Variants in CLIC5 observed in about 807,000 individuals in gnomAD.
CLIC5 encodes chloride intracellular channel protein 5.
A neutral mutation model predicts 24.7 loss-of-function variants in CLIC5; 20 were observed. That is an observed-to-expected ratio of 0.81 (90% CI 0.57 to 1.18). The LOEUF (loss-of-function observed/expected upper bound fraction) is 1.18. CLIC5 is among the 50% of genes most tolerant of loss of function. CLIC5 has a pLI of 0.00. For missense variants in CLIC5, 341 were observed against 326.1 expected (o/e 1.05, Z -0.35); for synonymous variants, 159 against 135.6 (o/e 1.17, Z -1.20).
intron 1 of CLIC5, among the ~76,000 whole-genome samples, chr6:46,026,959 A>T (rs988878772): frequency 6.6e-6 from 1 of 152,202 alleles, no homozygotes; most frequent in African/African-American, 2.4e-5. Context: ...TAGTAATCTC[A>T]TTTGTGATTC....
the CLIC5 span, among the ~76,000 whole-genome samples, chr6:46,119,751 T>C: frequency 6.6e-6 from 1 of 152,218 alleles, no homozygotes; most frequent in Admixed American, 6.5e-5. Context: ...TGCACTTTTC[T>C]AATGGTCTTA....
intron 1 of CLIC5, among the ~76,000 whole-genome samples, chr6:46,015,278 C>A (rs775736693): frequency 4.2e-4 from 64 of 152,184 alleles, no homozygotes; most frequent in Non-Finnish European, 7.6e-4. Context: ...TCCGAGAAGA[C>A]GGCCACCTGC....
chr6:45,906,800 G>A (rs1021059191), intron 5 of CLIC5, among the ~76,000 whole-genome samples: 7 of 152,240 alleles, frequency 4.6e-5, no homozygotes, highest in East Asian at 1.9e-4. Context: ...GACCTCAGTC[G>A]ATCCGCCTGC....
chr6:46,071,257 A>G (rs1562036185), intron 1 of CLIC5, among the ~76,000 whole-genome samples: 1 of 152,218 alleles, frequency 6.6e-6, no homozygotes, highest in Non-Finnish European at 1.5e-5. Context: ...GCTTCTGAAC[A>G]GCAAAAGAAA....
chr6:46,015,153 C>A (rs918957395), intron 1 of CLIC5, among the ~76,000 whole-genome samples: 1 of 152,228 alleles, frequency 6.6e-6, no homozygotes, highest in Non-Finnish European at 1.5e-5. Context: ...CATCCCGACA[C>A]CTGGAGACGT....
Position 45,999,738 on chromosome 6 carries a change from T to TTTTTG in CLIC5, c.63+15741_63+15742insCAAAA, listed in dbSNP as rs1561994399. ...CTATTTTCTCTTCCTTGTGGTTTTT[T>TTTTTG]TTTTTTTTTTTTTTTTTTGAGACGG... On this transcript the variant is annotated intron_variant, in intron 1 of 5. Transcript: ENST00000339561. 3.5e-5 allele frequency among the ~76,000 whole-genome samples: 2 copies of TTTTTG among 57,422 alleles called. 1 individual carries two copies. Among genetic ancestry groups the TTTTTG allele is most frequent in the Non-Finnish European group, 6.7e-5 (2 of 29,944 alleles). 37.7% of individuals were successfully genotyped at this position (57,422 alleles called of 152,430 possible). A position where few individuals can be genotyped will look rare whatever the true frequency, so the allele number is the denominator to read the frequency against.
intron 1 of CLIC5, among the ~76,000 whole-genome samples, chr6:46,039,260 A>G (rs1409943740): frequency 3.9e-5 from 6 of 152,158 alleles, no homozygotes; most frequent in Non-Finnish European, 8.8e-5. Context: ...ATTGGTATTT[A>G]CCTTCTGGAT....
chr6:46,058,375 C>T (rs1768319391), intron 1 of CLIC5, among the ~76,000 whole-genome samples: 1 of 152,194 alleles, frequency 6.6e-6, no homozygotes, highest in South Asian at 2.1e-4. Context: ...ATACCACATT[C>T]TATAAATAGA....
intron 1 of CLIC5, among the ~76,000 whole-genome samples, chr6:46,047,340 TG>T (rs1335586811): frequency 6.6e-6 from 1 of 152,204 alleles, no homozygotes; most frequent in Non-Finnish European, 1.5e-5. Context: ...TGATGCCCAT[TG>T]TGCTGACTTC....
At chr6:46,034,122 C>T (rs768276688) in intron 1 of CLIC5, among the ~76,000 whole-genome samples, 3 of 152,182 alleles carry the variant, frequency 2.0e-5, no homozygotes, top group African/African-American at 2.4e-5. Context: ...TCAAATTTGC[C>T]GTGGGGAGAC....
chr6:45,898,058 AT>A (rs909458533), downstream of CLIC5, among the ~76,000 whole-genome samples: 6 of 149,974 alleles, frequency 4.0e-5, no homozygotes, highest in South Asian at 6.4e-4. Context: ...TTTGCTTTTG[AT>A]TTTTTTGTTT....
chr6:46,080,887 C>A (rs1762905895), upstream of CLIC5, among the ~76,000 whole-genome samples: 1 of 152,208 alleles, frequency 6.6e-6, no homozygotes, highest in South Asian at 2.1e-4. Flanking sequence ...CCTATAGACA[C>A]ATCAGTATAG....
At chr6:46,066,290 C>T (rs943479249) in intron 1 of CLIC5, among the ~76,000 whole-genome samples, 1 of 152,118 alleles carries the variant, frequency 6.6e-6, no homozygotes, top group Non-Finnish European at 1.5e-5. Flanking sequence ...GTGGGAGCAC[C>T]TCTATTTTTT....
intron 5 of CLIC5, chr6:45,912,679 A>G (rs1367630049): frequency 1.4e-5 from 21 of 1,534,672 alleles, no homozygotes; most frequent in Non-Finnish European, 1.6e-5. Context: ...TTTGCATTGT[A>G]TCACTCTGAC....
chr6:46,129,641 AG>A, the CLIC5 span: 2 of 152,254 alleles, frequency 1.3e-5, no homozygotes, highest in Non-Finnish European at 2.9e-5. Context: ...GTGCAGCCAA[AG>A]TTGCTTTCTC....
rs373696828 is a variant in CLIC5 at position 45,933,268 on chromosome 6, C to T, written c.406+8279G>A. ...GGTGGTGGGAACTAGGGTACACTCC[C>T]TCGCCCTCTGGTAACCACGTTTGAG... On this transcript the variant is annotated intron_variant, in intron 4 of 5. Coordinates refer to ENST00000339561, the MANE Select transcript of CLIC5 (RefSeq NM_016929.5). Among the ~76,000 whole-genome samples the T allele has an allele frequency of 2.0e-3, 310 of 152,322 alleles. 12 individuals carry two copies. In the South Asian group the frequency reaches 0.062, roughly 30 times the overall value.
intron 1 of CLIC5, among the ~76,000 whole-genome samples, chr6:45,974,499 A>G (rs112284561): frequency 0.06 from 3,039 of 50,414 alleles, 36 homozygotes; most frequent in South Asian, 0.09. Flanking sequence ...GTGTGTGTGT[A>G]TATATATATA....
intron 4 of CLIC5, among the ~76,000 whole-genome samples, chr6:45,938,014 A>C (rs916081361): frequency 2.6e-5 from 4 of 152,198 alleles, no homozygotes; most frequent in African/African-American, 9.6e-5. Flanking sequence ...ATTAGTGACC[A>C]GGTAGAGGGG....
At chr6:45,920,093 TG>T (rs2127325211) in intron 4 of CLIC5, 1 of 856,680 alleles carries the variant, frequency 1.2e-6, no homozygotes, top group Non-Finnish European at 1.4e-6. Flanking sequence ...CAAAAGAGGA[TG>T]GGGTTCCCCT....
Sources: allele counts gnomAD v4.1 joint callset (sites outside exome capture counted in the v4.1 genomes callset), GRCh38; gene constraint gnomAD v4.1.1; transcripts MANE v1.5; gene names NCBI Gene and HGNC (gene_info 2026-07-23, HGNC 2026-07-21).